FGF13: variants seen among roughly 807,000 people sequenced by gnomAD.
FGF13 encodes fibroblast growth factor 13, also known as fibroblast growth factor homologous factor 2.
In FGF13, 2 loss-of-function variants were observed where a neutral mutation model predicts 19.5. The ratio of observed to expected loss-of-function variants is 0.10; its 90% CI spans 0.04 to 0.32. The LOEUF (loss-of-function observed/expected upper bound fraction) is 0.32, where lower values mean the gene tolerates loss of function less well. Ranked by LOEUF, FGF13 falls within the 10% of genes least tolerant of loss-of-function variation. The pLI, the probability that FGF13 is intolerant of heterozygous loss-of-function variation, is 1.00. For missense variants in FGF13, 113 were observed against 192.7 expected (o/e 0.59, Z 2.45); for synonymous variants, 72 against 76.9 (o/e 0.94, Z 0.33).
intron 1 of FGF13, among the ~76,000 whole-genome samples, chrX:138,972,255 A>ATT (rs34661318): frequency 0.19 from 18,322 of 96,881 alleles, 1,720 homozygotes; most frequent in South Asian, 0.4. Context: ...TGGTAGTTCT[A>ATT]TTTTTTTTTT....
chrX:139,183,233 G>A (rs1394342584), intron 1 of FGF13, among the ~76,000 whole-genome samples: 1 of 112,022 alleles, frequency 8.9e-6, no homozygotes, highest in Non-Finnish European at 1.9e-5. Flanking sequence ...GGAGGCTGGA[G>A]CAATAATTTT....
At position 139,162,927 on chromosome X, in the gene FGF13, C is replaced by T. The variant is rs984821912; in HGVS notation, c.-113+40489G>A. Among the ~76,000 whole-genome samples, 4 of 112,156 alleles carry T rather than the reference C, an allele frequency of 3.6e-5. No homozygotes were observed. The East Asian group carries it at 1.1e-3, about 32-fold the overall frequency. ...CAGAGGATGTGGAGAAATAGGAATG[C>T]TTTTACACTGTTGGTGGGAGTGTAA... On this transcript the variant is annotated intron_variant, in intron 1 of 2. Transcript: ENST00000421460.
intron 1 of FGF13, among the ~76,000 whole-genome samples, chrX:139,144,525 G>A (rs1468543429): frequency 9.5e-6 from 1 of 105,257 alleles, no homozygotes. Context: ...GCCTTGCCTG[G>A]ACTCCTGCAA....
At chrX:139,015,938 A>G (rs2092151044) in intron 1 of FGF13, among the ~76,000 whole-genome samples, 1 of 111,546 alleles carries the variant, frequency 9.0e-6, no homozygotes, top group Admixed American at 9.5e-5. Flanking sequence ...TGACCAAAGT[A>G]TCAGACACAT....
At chrX:138,829,234 A>C (rs2091054868) in intron 3 of FGF13, among the ~76,000 whole-genome samples, 1 of 111,718 alleles carries the variant, frequency 9.0e-6, no homozygotes, top group Admixed American at 9.5e-5. Context: ...TCTCATATTA[A>C]AATTTCATCC....
intron 3 of FGF13, among the ~76,000 whole-genome samples, chrX:138,845,860 G>A (rs1051123722): frequency 6.3e-5 from 7 of 111,851 alleles, no homozygotes; most frequent in Non-Finnish European, 1.3e-4. Flanking sequence ...GGAAATGGCT[G>A]AAGAAGGAAC....
chrX:138,906,024 C>T (rs1402240070), intron 1 of FGF13, among the ~76,000 whole-genome samples: 2 of 110,944 alleles, frequency 1.8e-5, no homozygotes, highest in African/African-American at 6.5e-5. Context: ...GTCATTTTAT[C>T]GAAAGAGTTT....
intron 1 of FGF13, among the ~76,000 whole-genome samples, chrX:139,033,027 C>CAAAAAAAAAA (rs758766077): frequency 3.3e-4 from 9 of 27,271 alleles, no homozygotes; most frequent in East Asian, 1.6e-3. Flanking sequence ...TCTGATTATC[C>CAAAAAAAAAA]AAAAAAAAAA....
Position 138,670,552 on chromosome X carries a change from G to A in FGF13, c.402+32432C>T, listed in dbSNP as rs2089600444. 3.6e-5 allele frequency among the ~76,000 whole-genome samples: 4 copies of A among 111,764 alleles called. 1 individual carries two copies. In the Middle Eastern group the frequency reaches 0.014, roughly 385 times the overall value. On this transcript the variant is annotated intron_variant, in intron 3 of 4. Transcript: ENST00000315930. Reference sequence around the variant, plus strand: ...TGACATAGAAATACATGCACAAGATGTGCGTAAAAAAGCAAGTTACAGAAC... The same window carrying A: ...TGACATAGAAATACATGCACAAGATATGCGTAAAAAAGCAAGTTACAGAAC...
intron 3 of FGF13, among the ~76,000 whole-genome samples, chrX:138,754,307 T>C (rs1320342294): frequency 8.9e-6 from 1 of 111,884 alleles, no homozygotes; most frequent in Non-Finnish European, 1.9e-5. Context: ...TTCCCTGTTA[T>C]GTCCTCAGTT....
At chrX:138,737,807 T>C (rs1439599946) in intron 1 of FGF13, among the ~76,000 whole-genome samples, 1 of 112,220 alleles carries the variant, frequency 8.9e-6, no homozygotes, top group African/African-American at 3.2e-5. Flanking sequence ...TAAAGAGGCA[T>C]ATAGTCTGTA....
chrX:138,678,517 T>A (rs1287050544), intron 3 of FGF13, among the ~76,000 whole-genome samples: 1 of 111,884 alleles, frequency 8.9e-6, no homozygotes, highest in Non-Finnish European at 1.9e-5. Context: ...GGCATTCACA[T>A]TGATCTTGAG....
chrX:138,771,025 T>A (rs922827114), intron 3 of FGF13, among the ~76,000 whole-genome samples: 1 of 111,346 alleles, frequency 9.0e-6, no homozygotes, highest in African/African-American at 3.3e-5. Context: ...AAGAATGGGG[T>A]CCCAGGCCAC....
At chrX:139,003,372 C>A (rs1455908517) in intron 1 of FGF13, among the ~76,000 whole-genome samples, 2 of 111,606 alleles carry the variant, frequency 1.8e-5, no homozygotes, top group African/African-American at 3.3e-5. Context: ...CAGCGTGGAC[C>A]CAAAGAGTGA....
At chrX:139,065,518 G>GT (rs1161290825) in intron 1 of FGF13, among the ~76,000 whole-genome samples, 1 of 107,801 alleles carries the variant, frequency 9.3e-6, no homozygotes, top group Non-Finnish European at 1.9e-5. Flanking sequence ...AGAAAGGGGG[G>GT]TTGCAATCAT....
At chrX:138,962,561 C>A (rs981502675) in intron 1 of FGF13, among the ~76,000 whole-genome samples, 10 of 112,224 alleles carry the variant, frequency 8.9e-5, no homozygotes, top group African/African-American at 3.2e-4. Context: ...TTTACTGCAG[C>A]ACTATTCACA....
At chrX:139,152,902 C>G (rs1283700017) in intron 1 of FGF13, among the ~76,000 whole-genome samples, 1 of 110,706 alleles carries the variant, frequency 9.0e-6, no homozygotes, top group Non-Finnish European at 1.9e-5. Context: ...GATCTCAGCT[C>G]TTTGACCTTC....
chrX:139,130,902 C>T (rs1023611601), intron 1 of FGF13, among the ~76,000 whole-genome samples: 10 of 111,195 alleles, frequency 9.0e-5, no homozygotes, highest in Admixed American at 2.9e-4. Context: ...ATTACGTTTT[C>T]GTATTAATAT....
chrX:139,083,952 C>T lies in FGF13; in HGVS notation c.-113+119464G>A, dbSNP rs138514468. 8.6e-3 allele frequency among the ~76,000 whole-genome samples: 955 copies of T among 110,856 alleles called. 10 individuals are homozygous for T. The highest frequency in any genetic ancestry group is 0.029 in the African/African-American group (882 of 30,442). ...GCTTGTATACAGGATCTGCACAGTGCTCAGGAAGCCAGTCAGCCTTTTCAG... is the reference window on the plus strand; with the variant it reads ...GCTTGTATACAGGATCTGCACAGTGTTCAGGAAGCCAGTCAGCCTTTTCAG... On this transcript the variant is annotated intron_variant, in intron 1 of 2. Transcript: ENST00000421460.
Sources: allele counts gnomAD v4.1 joint callset (sites outside exome capture counted in the v4.1 genomes callset), GRCh38; gene constraint gnomAD v4.1.1; transcripts MANE v1.5; gene names NCBI Gene and HGNC (gene_info 2026-07-23, HGNC 2026-07-21).